The following PCED1B variants were observed in gnomAD, a reference collection of about 807,000 sequenced individuals.
PCED1B encodes the protein PC-esterase domain containing 1B.
For synonymous variants in PCED1B, 251 were observed against 246.1 expected (o/e 1.02, Z -0.19); for missense variants, 573 against 573.9 (o/e 1.00, Z 0.02).
intron 2 of PCED1B, among the ~76,000 whole-genome samples, chr12:47,205,555 G>A (rs186589452): frequency 1.0e-3 from 154 of 152,346 alleles, no homozygotes; most frequent in African/African-American, 3.6e-3. Context: ...GCCAAAGTTA[G>A]TTCAGCCTAT....
At position 47,216,369 on chromosome 12, in the gene PCED1B, T is replaced by C. The variant is rs1007426231; in HGVS notation, c.-378T>C. The C allele has an allele frequency of 2.6e-5, 4 of 152,220 alleles. No individual in the cohort carries two copies. The highest frequency in any genetic ancestry group is 9.7e-5 in the African/African-American group (4 of 41,444). The allele number at this position is 152,220 out of a possible 1,614,324, so 9.4% of individuals were successfully genotyped here. ...AACCAAATTCCAGGAAGATGCTGTCTTTGTATTGACTTACCATTTCATGTT... is the reference window on the plus strand; with the variant it reads ...AACCAAATTCCAGGAAGATGCTGTCCTTGTATTGACTTACCATTTCATGTT... On this transcript the variant is annotated 5_prime_UTR_variant, in exon 3 of 4. Transcript: ENST00000546455.
At chr12:47,140,216 T>C (rs1940542871) in intron 2 of PCED1B, among the ~76,000 whole-genome samples, 1 of 152,210 alleles carries the variant, frequency 6.6e-6, no homozygotes, top group South Asian at 2.1e-4. Flanking sequence ...AAAAGAACAT[T>C]GTTTTGCTTT....
At chr12:47,169,443 C>T (rs930655969) in intron 2 of PCED1B, among the ~76,000 whole-genome samples, 5 of 152,122 alleles carry the variant, frequency 3.3e-5, no homozygotes, top group East Asian at 1.9e-4. Flanking sequence ...ATTCCTTCAG[C>T]TTAAAATATT....
At chr12:47,157,559 G>A (rs935323025) in intron 2 of PCED1B, among the ~76,000 whole-genome samples, 2 of 152,174 alleles carry the variant, frequency 1.3e-5, no homozygotes, top group Non-Finnish European at 2.9e-5. Context: ...AGGCGACAGA[G>A]CAAGGCCCTG....
intron 2 of PCED1B, among the ~76,000 whole-genome samples, chr12:47,161,425 G>A (rs1237978882): frequency 1.3e-5 from 2 of 152,070 alleles, no homozygotes; most frequent in Admixed American, 6.6e-5. Flanking sequence ...TTATTTCATT[G>A]GTGGATATGT....
intron 1 of PCED1B, among the ~76,000 whole-genome samples, chr12:47,094,561 C>T (rs1292366584): frequency 6.6e-6 from 1 of 151,884 alleles, no homozygotes; most frequent in Admixed American, 6.6e-5. Flanking sequence ...ATTCTAAAAA[C>T]TTGCAAGTTT....
intron 2 of PCED1B, among the ~76,000 whole-genome samples, chr12:47,117,851 C>T (rs1230754012): frequency 6.6e-6 from 1 of 152,204 alleles, no homozygotes; most frequent in Non-Finnish European, 1.5e-5. Context: ...ACATCCTCTC[C>T]AGCACCTGTT....
rs139834484 is a variant in PCED1B at position 47,097,043 on chromosome 12, G to T, written c.-608-7070G>T. Among the ~76,000 whole-genome samples, 304 of 152,218 alleles carry T rather than the reference G, an allele frequency of 2.0e-3. 1 individual carries two copies. Among genetic ancestry groups the T allele is most frequent in the African/African-American group, 6.8e-3 (282 of 41,526 alleles). ...AATTTTCAAAAAGCCCTAACATTTA[G>T]CCCCTCAGTTGATTCCCTTAATAAC... On this transcript the variant is annotated intron_variant, in intron 1 of 3. Coordinates refer to ENST00000546455, the MANE Select transcript of PCED1B (RefSeq NM_138371.3).
intron 1 of PCED1B, among the ~76,000 whole-genome samples, chr12:47,100,029 C>A (rs1024872587): frequency 6.6e-6 from 1 of 152,188 alleles, no homozygotes; most frequent in African/African-American, 2.4e-5. Flanking sequence ...GGAAAAAGGA[C>A]CATTCTCACA....
chr12:47,186,216 TAAAAAAAAAGAA>T (rs1942260295), intron 2 of PCED1B, among the ~76,000 whole-genome samples: 2 of 88,162 alleles, frequency 2.3e-5, no homozygotes, highest in South Asian at 4.7e-4. Context: ...AGACTCCGTC[TAAAAAAAAAGAA>T]AAAAAAAAAG....
chr12:47,127,131 A>G (rs1939919393), intron 2 of PCED1B, among the ~76,000 whole-genome samples: 1 of 152,170 alleles, frequency 6.6e-6, no homozygotes, highest in Non-Finnish European at 1.5e-5. Context: ...TTTTGAATGT[A>G]GTCATTTTAG....
intron 1 of PCED1B, among the ~76,000 whole-genome samples, chr12:47,095,318 T>C (rs2137192828): frequency 6.6e-6 from 1 of 152,292 alleles, no homozygotes; most frequent in Non-Finnish European, 1.5e-5. Flanking sequence ...GTGAATCTTA[T>C]TGTTGCTTCT....
intron 2 of PCED1B, among the ~76,000 whole-genome samples, chr12:47,115,324 ACTC>A (rs1307604171): frequency 6.6e-6 from 1 of 151,652 alleles, no homozygotes; most frequent in Non-Finnish European, 1.5e-5. Flanking sequence ...CTCGGTTCTC[ACTC>A]CTGCTATTGT....
chr12:47,222,391 C>T (rs1943508919), intron 3 of PCED1B, among the ~76,000 whole-genome samples: 1 of 139,574 alleles, frequency 7.2e-6, no homozygotes, highest in Admixed American at 7.7e-5. Flanking sequence ...CATTGCACTC[C>T]AGCCTGGGCA....
At chr12:47,140,614 T>C (rs972686440) in intron 2 of PCED1B, among the ~76,000 whole-genome samples, 1 of 152,210 alleles carries the variant, frequency 6.6e-6, no homozygotes, top group Non-Finnish European at 1.5e-5. Context: ...AAGATTGAAA[T>C]ACTAATGATT....
intron 2 of PCED1B, among the ~76,000 whole-genome samples, chr12:47,136,182 A>T (rs1266554563): frequency 7.6e-5 from 10 of 131,908 alleles, no homozygotes. Context: ...GCCCATTTGT[A>T]CTTTTGCTCT....
chr12:47,098,280 A>C (rs568620100), intron 1 of PCED1B, among the ~76,000 whole-genome samples: 1 of 152,310 alleles, frequency 6.6e-6, no homozygotes, highest in South Asian at 2.1e-4. Flanking sequence ...GTCAGTGACT[A>C]TGGACTGCAG....
chr12:47,174,445 A>C lies in PCED1B; in HGVS notation c.-525-41777A>C, dbSNP rs562233934. On this transcript the variant is annotated intron_variant, in intron 2 of 3. Transcript: ENST00000546455. ...CAAACAAAACAAACAAACAAACAAAATAAATAAATAAATAAATAAATAAAA... is the reference window on the plus strand; with the variant it reads ...CAAACAAAACAAACAAACAAACAAACTAAATAAATAAATAAATAAATAAAA... Among the ~76,000 whole-genome samples, 480 of 139,122 alleles carry C rather than the reference A, an allele frequency of 3.5e-3. 1 individual carries two copies. Among genetic ancestry groups the C allele is most frequent in the African/African-American group, 0.011 (325 of 30,410 alleles). The allele number at this position is 139,122 out of a possible 152,430, so 91.3% of individuals were successfully genotyped here.
intron 3 of PCED1B, among the ~76,000 whole-genome samples, chr12:47,234,800 A>C (rs1213960850): frequency 1.3e-5 from 2 of 152,202 alleles, no homozygotes; most frequent in Non-Finnish European, 2.9e-5. Context: ...CTGCCACTAG[A>C]CAAGGCTTTT....
Sources: allele counts gnomAD v4.1 joint callset (sites outside exome capture counted in the v4.1 genomes callset), GRCh38; gene constraint gnomAD v4.1.1; transcripts MANE v1.5; gene names NCBI Gene and HGNC (gene_info 2026-07-23, HGNC 2026-07-21).